The following EFNA5 variants were observed in gnomAD, a reference collection of about 807,000 sequenced individuals.
EFNA5 encodes the protein ephrin A5.
In EFNA5, 5 loss-of-function variants were observed where a neutral mutation model predicts 22.9. The observed-to-expected ratio is 0.22, with a 90% confidence interval of 0.11 to 0.46. The LOEUF (loss-of-function observed/expected upper bound fraction) is 0.46. EFNA5 is among the 20% of genes least tolerant of loss of function. EFNA5 has a pLI of 0.99. For synonymous variants in EFNA5, 113 were observed against 112.2 expected (o/e 1.01, Z -0.04); for missense variants, 237 against 293.3 (o/e 0.81, Z 1.40).
rs146861425 is a variant in EFNA5 at position 107,649,681 on chromosome 5, T to C, written c.125+20808A>G. Among the ~76,000 whole-genome samples, 567 of 152,296 alleles carry C rather than the reference T, an allele frequency of 3.7e-3. 1 individual carries two copies. The highest frequency in any genetic ancestry group is 6.6e-3 in the Non-Finnish European group (451 of 68,022). On this transcript the variant is annotated intron_variant, in intron 1 of 4. Transcript: ENST00000333274. ...TCTAAAGTTAGACTATGCTCTCTCT[T>C]TGACATATCTCTGTATAATTATATG...
chr5:107,498,519 T>C (rs1172784054), intron 1 of EFNA5, among the ~76,000 whole-genome samples: 2 of 152,214 alleles, frequency 1.3e-5, no homozygotes, highest in Admixed American at 1.3e-4. Context: ...GAATTCTGTA[T>C]TTGTGAAAAA....
chr5:107,506,131 C>A (rs1747245219), intron 1 of EFNA5: 1 of 152,332 alleles, frequency 6.6e-6, no homozygotes, highest in Non-Finnish European at 1.5e-5. Flanking sequence ...CAGCTTAGGA[C>A]TCACCAGCTC....
intron 1 of EFNA5, among the ~76,000 whole-genome samples, chr5:107,520,174 A>G (rs1747563990): frequency 6.6e-6 from 1 of 152,166 alleles, no homozygotes; most frequent in African/African-American, 2.4e-5. Flanking sequence ...TCACTCTGCT[A>G]TAACAAAAAC....
intron 1 of EFNA5, among the ~76,000 whole-genome samples, chr5:107,512,613 T>C (rs1747394912): frequency 6.6e-6 from 1 of 151,874 alleles, no homozygotes; most frequent in South Asian, 2.1e-4. Context: ...TGAGATAAAG[T>C]TTTGCCAGAG....
chr5:107,508,898 C>T (rs1747304055), intron 1 of EFNA5, among the ~76,000 whole-genome samples: 1 of 152,160 alleles, frequency 6.6e-6, no homozygotes, highest in Non-Finnish European at 1.5e-5. Flanking sequence ...TTCATTTAAT[C>T]ATTCACTTAT....
chr5:107,542,703 G>C (rs1197187969), intron 1 of EFNA5, among the ~76,000 whole-genome samples: 3 of 152,108 alleles, frequency 2.0e-5, no homozygotes, highest in Non-Finnish European at 2.9e-5. Flanking sequence ...GGGCATCTTA[G>C]AACACCAAAT....
intron 1 of EFNA5, among the ~76,000 whole-genome samples, chr5:107,576,230 T>A (rs1748925175): frequency 6.6e-6 from 1 of 152,198 alleles, no homozygotes. Context: ...TCTTTTTAAG[T>A]GAGAAAAGTT....
intron 1 of EFNA5, among the ~76,000 whole-genome samples, chr5:107,612,164 G>T (rs1255831482): frequency 6.6e-6 from 1 of 152,086 alleles, no homozygotes; most frequent in South Asian, 2.1e-4. Context: ...ATTATCTCAG[G>T]TTATTTTACT....
chr5:107,389,642 AT>A (rs1166609782), intron 2 of EFNA5, among the ~76,000 whole-genome samples: 1 of 152,156 alleles, frequency 6.6e-6, no homozygotes, highest in Non-Finnish European at 1.5e-5. Context: ...GGTCTTTCAG[AT>A]TTTTCTTTAG....
intron 1 of EFNA5, among the ~76,000 whole-genome samples, chr5:107,598,452 T>C (rs1046094620): frequency 1.3e-5 from 2 of 151,646 alleles, no homozygotes; most frequent in East Asian, 1.9e-4. Flanking sequence ...TTATACTTAA[T>C]ATAGAAAAAT....
In EFNA5 at chr5:107,380,941, A is replaced by G. The variant is rs1366244991; in HGVS notation, c.*314T>C. ...GAGGTGAGTTCTTAGAGGAGAATGC[A>G]CAGGAGCTGACGAACCACTGGTGTC... On this transcript the variant is annotated 3_prime_UTR_variant, in exon 5 of 5. Transcript: ENST00000333274. 2.2e-6 allele frequency: 1 copy of G among 454,190 alleles called. No homozygotes were observed. Among genetic ancestry groups the G allele is most frequent in the East Asian group, 3.1e-5 (1 of 31,940 alleles). The allele number at this position is 454,190 out of a possible 1,614,324, so 28.1% of individuals were successfully genotyped here.
intron 1 of EFNA5, among the ~76,000 whole-genome samples, chr5:107,547,354 G>A (rs959237664): frequency 3.3e-5 from 5 of 152,170 alleles, no homozygotes; most frequent in Non-Finnish European, 7.3e-5. Context: ...AGATGGGTTT[G>A]CTGTTTTCCT....
chr5:107,429,217 C>G (rs1360419538), intron 1 of EFNA5, among the ~76,000 whole-genome samples: 1 of 152,150 alleles, frequency 6.6e-6, no homozygotes, highest in East Asian at 1.9e-4. Flanking sequence ...CTGGGGCAGG[C>G]GGATCACTTG....
intron 1 of EFNA5, among the ~76,000 whole-genome samples, chr5:107,569,477 GTA>G (rs1181352317): frequency 2.9e-5 from 4 of 135,862 alleles, no homozygotes; most frequent in African/African-American, 1.1e-4. Context: ...ATATATATGT[GTA>G]TATATATTTA....
intron 2 of EFNA5, among the ~76,000 whole-genome samples, chr5:107,398,314 C>G (rs1009992283): frequency 6.6e-6 from 1 of 152,176 alleles, no homozygotes; most frequent in South Asian, 2.1e-4. Context: ...AACACAATAA[C>G]CCTCTTCCAG....
At chr5:107,580,721 C>CAAAAAAAAAAAAAAA (rs56868732) in intron 1 of EFNA5, among the ~76,000 whole-genome samples, 1 of 83,618 alleles carries the variant, frequency 1.2e-5, no homozygotes, top group Non-Finnish European at 2.3e-5. Flanking sequence ...GACTCCATCT[C>CAAAAAAAAAAAAAAA]AAAAAAAAAA....
intron 1 of EFNA5, among the ~76,000 whole-genome samples, chr5:107,504,730 G>C (rs17534165): frequency 6.6e-6 from 1 of 151,990 alleles, no homozygotes; most frequent in Non-Finnish European, 1.5e-5. Flanking sequence ...AAGTGTTGTC[G>C]AAGCCTATTT....
chr5:107,646,942 T>C (rs932520888), intron 1 of EFNA5, among the ~76,000 whole-genome samples: 1 of 152,110 alleles, frequency 6.6e-6, no homozygotes, highest in Middle Eastern at 3.2e-3. Flanking sequence ...TCCACTGAAA[T>C]TGAGACTTTT....
chr5:107,526,569 A>G (rs539440322), intron 1 of EFNA5, among the ~76,000 whole-genome samples: 1 of 152,346 alleles, frequency 6.6e-6, no homozygotes, highest in African/African-American at 2.4e-5. Flanking sequence ...TCATCTTTAT[A>G]TGTGCTTTTC....
Sources: allele counts gnomAD v4.1 joint callset (sites outside exome capture counted in the v4.1 genomes callset), GRCh38; gene constraint gnomAD v4.1.1; transcripts MANE v1.5; gene names NCBI Gene and HGNC (gene_info 2026-07-23, HGNC 2026-07-21).